Variants in KTN1 observed in about 807,000 individuals in gnomAD.
KTN1 encodes the protein kinectin.
Under a neutral mutation model 222.5 loss-of-function variants are expected in KTN1, and 130 were observed. The observed-to-expected ratio is 0.58, with a 90% CI of 0.51 to 0.68. The LOEUF is 0.68. KTN1 is among the 30% of genes least tolerant of loss of function. KTN1 has a pLI of 0.00. For missense variants in KTN1, 1,508 were observed against 1,500.4 expected, an observed-to-expected ratio of 1.01 and a Z score of -0.08; for synonymous variants, 512 against 496.3, an observed-to-expected ratio of 1.03 and a Z score of -0.42.
Position 55,640,919 on chromosome 14 carries a change from C to G in KTN1, c.1984-14C>G. On this transcript the variant is annotated splice_polypyrimidine_tract_variant and intron_variant, in intron 15 of 43. Coordinates refer to ENST00000395314, the MANE Select transcript of KTN1 (RefSeq NM_001079521.2). ...CTGTGAAGTGATATCATTTTCTTCT[C>G]ATTCCACACACAGGCTGCTGCTGCA... 6.2e-7 allele frequency: 1 copy of G among 1,610,088 alleles called. No homozygotes were observed. Among genetic ancestry groups the G allele is most frequent in the Non-Finnish European group, 8.5e-7 (1 of 1,177,304 alleles).
intron 41 of KTN1, 85 bp from the exon 42 acceptor site, chr14:55,678,267 C>T (rs889792381): frequency 2.6e-5 from 22 of 853,810 alleles, no homozygotes; most frequent in African/African-American, 5.2e-5. Context: ...GAGCTTTTAT[C>T]TTCTACAAAA....
At chr14:55,606,805 G>A (rs1227373239) in intron 1 of KTN1, among the ~76,000 whole-genome samples, 1 of 152,036 alleles carries the variant, frequency 6.6e-6, no homozygotes, top group Non-Finnish European at 1.5e-5. Flanking sequence ...ACAGTAAAAT[G>A]TTTGTAATAA....
intron 41 of KTN1, among the ~76,000 whole-genome samples, chr14:55,677,085 G>T (rs1282886329): frequency 6.6e-6 from 1 of 152,192 alleles, no homozygotes; most frequent in Non-Finnish European, 1.5e-5. Flanking sequence ...CAGTAGCTAA[G>T]ATGGCAATGA....
chr14:55,658,242 A>T lies in KTN1; in HGVS notation c.2893-304A>T, dbSNP rs556776046. On this transcript the variant is annotated intron_variant, in intron 29 of 43. Transcript: ENST00000395314. ...AACCCCCACAACAAAGAAAAATATGAAACCCAAAATGTTACTAGAGTTGAG... is the reference window on the plus strand; with the variant it reads ...AACCCCCACAACAAAGAAAAATATGTAACCCAAAATGTTACTAGAGTTGAG... 1.3e-5 allele frequency among the ~76,000 whole-genome samples: 2 copies of T among 152,168 alleles called. 1 individual carries two copies. The highest frequency in any genetic ancestry group is 2.9e-5 in the Non-Finnish European group (2 of 68,038).
intron 28 of KTN1, among the ~76,000 whole-genome samples, chr14:55,655,276 C>T (rs1009694874): frequency 6.6e-6 from 1 of 152,150 alleles, no homozygotes; most frequent in Non-Finnish European, 1.5e-5. Context: ...ACCATGCTCA[C>T]CCTTGGATTG....
rs776126009 is a variant in KTN1 at position 55,612,293 on chromosome 14, G to T, written c.245G>T (p.Arg82Leu). The T allele has an allele frequency of 6.8e-6, 11 of 1,613,124 alleles. 1 individual carries two copies. Among genetic ancestry groups the T allele is most frequent in the South Asian group, 1.1e-5 (1 of 90,726 alleles). The change falls in exon 2 of 44, where the codon CGA (arginine) becomes CTA (leucine). Residue 82 changes from arginine to leucine, a missense_variant. By Grantham distance (102) the Arg-to-Leu change is moderately radical. Transcript: ENST00000395314. ...GAATCCGACTCTGAGAGTGTACCTC[G>T]AGACTTTAAATTATCAGATGCTTTG... The part of the protein sequence containing the change: ...LHESDSESVP[R>L]DFKLSDALAV...
chr14:55,647,009 TA>T lies in KTN1; in HGVS notation c.2207+4del. 2 of 1,505,688 alleles carry T rather than the reference TA, an allele frequency of 1.3e-6. No individual in the cohort carries two copies. The highest frequency in any genetic ancestry group is 1.8e-6 in the Non-Finnish European group (2 of 1,084,668). The allele number at this position is 1,505,688 out of a possible 1,614,324, so 93.3% of individuals were successfully genotyped here. On this transcript the variant is annotated splice_donor_region_variant and intron_variant, in intron 19 of 43. Transcript: ENST00000395314. ...TGTTGTGGAACAAATGGAAAAATGG[TA>T]AGAGTTTAGTTTTCTTTTTATATTT...
intron 18 of KTN1, among the ~76,000 whole-genome samples, chr14:55,643,870 G>A (rs1026253266): frequency 6.6e-6 from 1 of 152,092 alleles, no homozygotes; most frequent in Non-Finnish European, 1.5e-5. Flanking sequence ...CGTACTTTTA[G>A]ATGTTTTGTT....
At chr14:55,639,836 C>CT (rs2041577450) in intron 13 of KTN1, 77 bp from the exon 14 acceptor site, 5 of 913,334 alleles carry the variant, frequency 5.5e-6, no homozygotes. Context: ...AAGGATGATG[C>CT]TTTTTAAGGC....
intron 28 of KTN1, 25 bp downstream of exon 28, chr14:55,653,621 T>C (rs1382036475): frequency 6.3e-7 from 1 of 1,574,858 alleles, no homozygotes; most frequent in Non-Finnish European, 8.7e-7. Context: ...AGACCACATT[T>C]TGAAGAGAAA....
chr14:55,676,391 T>C (rs899138333), intron 41 of KTN1, among the ~76,000 whole-genome samples: 2 of 152,172 alleles, frequency 1.3e-5, no homozygotes, highest in Non-Finnish European at 2.9e-5. Context: ...TGCATTTCTT[T>C]GCATTGGTTT....
In KTN1 at chr14:55,616,659, G is replaced by A. The variant is rs756386388; in HGVS notation, c.661+5G>A. 1.6e-5 allele frequency: 25 copies of A among 1,586,046 alleles called. No individual in the cohort carries two copies. Among genetic ancestry groups the A allele is most frequent in the Non-Finnish European group, 2.0e-5 (23 of 1,171,416 alleles). ...AGAAACAAAAGACAGAAAATGGTGA[G>A]ATGTTTAGATATGTATTTTTATAAT... On this transcript the variant is annotated splice_donor_5th_base_variant and intron_variant, in intron 3 of 43. Coordinates refer to ENST00000395314, the MANE Select transcript of KTN1 (RefSeq NM_001079521.2).
rs1199399183 is a variant in KTN1 at position 55,659,739 on chromosome 14, G to T, written c.2999+36G>T. ...AGTTTGAGTCACAGTTTATAAAGTC[G>T]TAACTATTTTTATGTGGTAAACCAT... On this transcript the variant is annotated intron_variant, in intron 31 of 43. Transcript: ENST00000395314. The T allele has an allele frequency of 5.3e-6, 6 of 1,134,538 alleles. No individual in the cohort carries two copies. The East Asian group carries it at 7.1e-5, about 13-fold the overall frequency. The allele number at this position is 1,134,538 out of a possible 1,614,324, so 70.3% of individuals were successfully genotyped here.
rs780076080 is a variant in KTN1, at chr14:55,653,636, C to T, written c.2801+40C>T. ...AGACCACATTTTGAAGAGAAACAAA[C>T]GTCTCATTATTTTCCAGGGTGTGCT... is the stretch of plus-strand genomic sequence containing the variant. On this transcript the variant is annotated intron_variant, in intron 28 of 43. Coordinates refer to ENST00000395314, the MANE Select transcript of KTN1 (RefSeq NM_001079521.2). The T allele has an allele frequency of 1.7e-5, 25 of 1,479,074 alleles. No individual in the cohort carries two copies. The African/African-American group carries it at 2.6e-4, about 16-fold the overall frequency. The allele number at this position is 1,479,074 out of a possible 1,614,324, so 91.6% of individuals were successfully genotyped here. A position where few individuals can be genotyped will look rare whatever the true frequency, so the allele number is the denominator to read the frequency against.
intron 31 of KTN1, 50 bp downstream of exon 31, chr14:55,659,753 G>A: frequency 9.6e-7 from 1 of 1,043,614 alleles, no homozygotes. Context: ...CTATTTTTAT[G>A]TGGTAAACCA....
intron 1 of KTN1, among the ~76,000 whole-genome samples, chr14:55,585,131 CAAAAAAAA>C (rs752597184): frequency 3.7e-5 from 2 of 54,536 alleles, no homozygotes; most frequent in Admixed American, 1.9e-4. Flanking sequence ...GACTGTGTCT[CAAAAAAAA>C]AAAAAAAAAA....
intron 41 of KTN1, among the ~76,000 whole-genome samples, chr14:55,676,941 C>T (rs8018942): frequency 4.1e-4 from 63 of 152,168 alleles, no homozygotes; most frequent in African/African-American, 1.4e-3. Flanking sequence ...TACTTTGATA[C>T]GTGATTTTAA....
intron 2 of KTN1, 46 bp from the exon 3 acceptor site, chr14:55,616,471 G>A: frequency 6.6e-7 from 1 of 1,511,966 alleles, no homozygotes; most frequent in Non-Finnish European, 8.9e-7. Context: ...TTTCCGTTAT[G>A]TTCATTGTTT....
At position 55,684,244 on chromosome 14, in the gene KTN1, A is replaced by AGGCCGCACCTTTT; in HGVS notation, c.*141_*142insGGCCGCACCTTTT. 1 of 552,140 alleles carries AGGCCGCACCTTTT rather than the reference A, an allele frequency of 1.8e-6. No individual in the cohort carries two copies. Among genetic ancestry groups the AGGCCGCACCTTTT allele is most frequent in the Non-Finnish European group, 3.0e-6 (1 of 328,552 alleles). 34.2% of individuals were successfully genotyped at this position (552,140 alleles called of 1,614,324 possible). ...TTTTGTCTTTTCTAATCCTTGTTAGACTACTGATTTAAAGAAGGAAAAAAA... is the reference window on the plus strand; with the variant it reads ...TTTTGTCTTTTCTAATCCTTGTTAGAGGCCGCACCTTTTCTACTGATTTAAAGAAGGAAAAAAA... On this transcript the variant is annotated 3_prime_UTR_variant, in exon 44 of 44. Coordinates refer to ENST00000395314, the MANE Select transcript of KTN1 (RefSeq NM_001079521.2).
Sources: allele counts gnomAD v4.1 joint callset (sites outside exome capture counted in the v4.1 genomes callset), GRCh38; gene constraint gnomAD v4.1.1; transcripts MANE v1.5; gene names NCBI Gene and HGNC (gene_info 2026-07-23, HGNC 2026-07-21).